Variants in NRDC observed in about 807,000 individuals in gnomAD.
NRDC encodes the protein nardilysin convertase.
In NRDC, 54 loss-of-function variants were observed where a neutral mutation model predicts 147.1. The observed-to-expected ratio is 0.37, with a 90% confidence interval of 0.29 to 0.46. The LOEUF is 0.46. Among genes scored for constraint, NRDC ranks in the 20% least tolerant of loss-of-function variants. The pLI, the probability that NRDC is intolerant of heterozygous loss-of-function variation, is 1.00. For synonymous variants in NRDC, 440 were observed against 482.1 expected, an observed-to-expected ratio of 0.91 and a Z score of 1.14; for missense variants, 1,082 against 1,370.6, an observed-to-expected ratio of 0.79 and a Z score of 3.33.
intron 1 of NRDC, among the ~76,000 whole-genome samples, chr1:51,863,013 GAAAAAAAA>G (rs562410956): frequency 3.4e-4 from 11 of 32,058 alleles, no homozygotes; most frequent in Middle Eastern, 0.071. Context: ...CTGTGTGGAG[GAAAAAAAA>G]AAAAAAAAAA....
rs1679488152 is a variant in NRDC at position 51,806,851 on chromosome 1, TCA to T, written c.2051_2052del (p.Val684GlufsTer10). On this transcript the variant is annotated frameshift_variant, in exon 18 of 31. Transcript: ENST00000352171. LOFTEE classifies it high-confidence loss of function. ...CPETEYPVKI[V>X]NTPQGCLWYK... The stretch of plus-strand genomic sequence containing the variant: ...TACCACAGGCAACCTTGTGGAGTAT[TCA>T]CAATTTTAACTGGGTATTCTGTTTC... 6.2e-7 allele frequency: 1 copy of T among 1,613,966 alleles called. No homozygotes were observed. Among genetic ancestry groups the T allele is most frequent in the Non-Finnish European group, 8.5e-7 (1 of 1,179,928 alleles).
chr1:51,798,258 G>A lies in NRDC; in HGVS notation c.2595C>T (p.Val865=). 1 of 1,614,102 alleles carries A rather than the reference G, an allele frequency of 6.2e-7. No individual in the cohort carries two copies. The highest frequency in any genetic ancestry group is 8.5e-7 in the Non-Finnish European group (1 of 1,179,980). Residue 865 remains valine (V), a synonymous_variant, in exon 22 of 31, where the codon GTC becomes GTT. Coordinates refer to ENST00000352171, the MANE Select transcript of NRDC (RefSeq NM_001101662.2). ...AGCATCTCACACTCACTGTGCTTGT[G>A]ACATTCCCTTGTACCAGGCCCTCCA... The part of the protein sequence containing the change: ...LFVEGLVQGN[V]TSTESMDFLK...
chr1:51,858,985 A>G (rs1682397580), intron 1 of NRDC, among the ~76,000 whole-genome samples: 1 of 152,164 alleles, frequency 6.6e-6, no homozygotes, highest in African/African-American at 2.4e-5. Context: ...TTTTACTCAC[A>G]TCATTTTTTC....
intron 1 of NRDC, among the ~76,000 whole-genome samples, chr1:51,875,458 G>A (rs1683276172): frequency 6.6e-6 from 1 of 152,214 alleles, no homozygotes; most frequent in Non-Finnish European, 1.5e-5. Context: ...ACTCTTTGAA[G>A]TCTTTCCTTT....
intron 14 of NRDC, among the ~76,000 whole-genome samples, chr1:51,812,620 C>A (rs890330822): frequency 1.3e-5 from 2 of 152,106 alleles, no homozygotes; most frequent in Non-Finnish European, 1.5e-5. Flanking sequence ...AGCCCTATAA[C>A]CCATTAGGTT....
chr1:51,811,470 C>T (rs927156268), intron 15 of NRDC, among the ~76,000 whole-genome samples: 4 of 152,158 alleles, frequency 2.6e-5, no homozygotes, highest in Non-Finnish European at 4.4e-5. Flanking sequence ...CTGGTTGACG[C>T]GCGCTAGCCT....
intron 10 of NRDC, among the ~76,000 whole-genome samples, chr1:51,817,555 T>G (rs1680028566): frequency 6.6e-6 from 1 of 152,190 alleles, no homozygotes; most frequent in Non-Finnish European, 1.5e-5. Context: ...ATTATTATTA[T>G]TTTGAGACAG....
At chr1:51,824,404 G>A (rs150790810) in intron 6 of NRDC, among the ~76,000 whole-genome samples, 105 of 152,160 alleles carry the variant, frequency 6.9e-4, no homozygotes, top group African/African-American at 2.3e-3. Flanking sequence ...GATTACAGGC[G>A]TGAGCCACCG....
At chr1:51,790,445 C>A in intron 29 of NRDC, 88 bp downstream of exon 29, 1 of 823,270 alleles carries the variant, frequency 1.2e-6, no homozygotes. Flanking sequence ...TTCTCTTCCA[C>A]ACAATGCTGG....
chr1:51,811,288 C>T (rs1322365960), intron 15 of NRDC, among the ~76,000 whole-genome samples: 1 of 152,186 alleles, frequency 6.6e-6, no homozygotes, highest in Non-Finnish European at 1.5e-5. Context: ...CTATGAACAT[C>T]TTGTGTCAAA....
At chr1:51,812,193 A>G in intron 14 of NRDC, 95 bp from the exon 15 acceptor site, 1 of 867,990 alleles carries the variant, frequency 1.2e-6, no homozygotes. Context: ...CTTATTAACA[A>G]TAAAACCAAA....
At chr1:51,809,638 T>TGTA (rs1460108301) in intron 16 of NRDC, among the ~76,000 whole-genome samples, 1 of 152,166 alleles carries the variant, frequency 6.6e-6, no homozygotes, top group African/African-American at 2.4e-5. Context: ...GGCTCACACC[T>TGTA]GTAAGCTCAA....
At chr1:51,859,333 G>A (rs1407622368) in intron 1 of NRDC, among the ~76,000 whole-genome samples, 3 of 152,090 alleles carry the variant, frequency 2.0e-5, no homozygotes, top group African/African-American at 7.2e-5. Context: ...AATAGAAATG[G>A]CTTCAAAATT....
Position 51,814,017 on chromosome 1 carries a change from G to C in NRDC, c.1674+18C>G, listed in dbSNP as rs1340840923. 3 of 1,549,168 alleles carry C rather than the reference G, an allele frequency of 1.9e-6. No individual in the cohort carries two copies. On this transcript the variant is annotated intron_variant, in intron 14 of 30. Transcript: ENST00000352171. ...CTCAGTCACAGATAACATGCAAAAA[G>C]AATTTGACTTCCAGTACCTGTTCTT... is the stretch of plus-strand genomic sequence containing the variant.
intron 20 of NRDC, 113 bp from the exon 21 acceptor site, chr1:51,800,796 T>TC (rs1679157829): frequency 2.0e-6 from 2 of 1,008,458 alleles, no homozygotes; most frequent in Non-Finnish European, 1.5e-6. Flanking sequence ...CTAGGCATTG[T>TC]GGGGGGACAT....
rs1680314781 is a variant in NRDC, at chr1:51,823,770, G to A, written c.1053C>T (p.Leu351=). 4 of 1,601,288 alleles carry A rather than the reference G, an allele frequency of 2.5e-6. No individual in the cohort carries two copies. The highest frequency in any genetic ancestry group is 2.2e-5 in the South Asian group (2 of 89,014). ...TATTATTCTTTCTTGGCTCATGCTT[G>A]AGCGTCTCAGCATTTCCTATAAAAG... ...GKFFWGNAET[L]KHEPRKNNID... is the part of the protein sequence containing the mutation. The change falls in exon 7 of 31, where the codon CTC becomes CTT. Residue 351 remains leucine (L), a synonymous_variant. Coordinates refer to ENST00000352171, the MANE Select transcript of NRDC (RefSeq NM_001101662.2).
intron 1 of NRDC, among the ~76,000 whole-genome samples, chr1:51,858,404 A>G (rs190396219): frequency 2.0e-5 from 3 of 151,982 alleles, no homozygotes; most frequent in Admixed American, 2.0e-4. Context: ...ACTTGAGCCC[A>G]GGAGGTAAAG....
chr1:51,858,510 G>C (rs183742783), intron 1 of NRDC, among the ~76,000 whole-genome samples: 31 of 149,556 alleles, frequency 2.1e-4, no homozygotes, highest in Admixed American at 6.0e-4. Context: ...AAGCTCAGGT[G>C]AATAATTCAC....
intron 15 of NRDC, among the ~76,000 whole-genome samples, chr1:51,810,976 G>A (rs1203323714): frequency 2.0e-4 from 30 of 152,160 alleles, no homozygotes; most frequent in Admixed American, 2.0e-3. Context: ...GTAAAACACT[G>A]CCAAGATAGG....
Sources: gnomAD v4.1 joint callset for allele counts (sites outside exome capture counted in the v4.1 genomes callset) on GRCh38, gnomAD v4.1.1 for gene constraint, MANE v1.5 for transcripts, NCBI Gene and HGNC (gene_info 2026-07-23, HGNC 2026-07-21) for gene names.